Variants in CRB1 observed in about 807,000 individuals in gnomAD.
CRB1 encodes crumbs cell polarity complex component 1, also known as protein crumbs homolog 1.
A neutral mutation model predicts 120.0 loss-of-function variants in CRB1; 83 were observed. The ratio of observed to expected loss-of-function variants is 0.69; its 90% CI spans 0.58 to 0.83. The LOEUF is 0.83. Among genes scored for constraint, CRB1 ranks in the 40% least tolerant of loss-of-function variants. The pLI is 0.00. For synonymous variants in CRB1, 625 were observed against 612.5 expected (o/e 1.02, Z -0.30); for missense variants, 1,699 against 1,687.6 (o/e 1.01, Z -0.12).
chr1:197,325,902 C>G (rs1658466516), intron 1 of CRB1, among the ~76,000 whole-genome samples: 1 of 152,064 alleles, frequency 6.6e-6, no homozygotes, highest in Non-Finnish European at 1.5e-5. Context: ...TTTCCTTCTG[C>G]TGACAAAGGA....
chr1:197,378,409 A>AT (rs1661762006), intron 5 of CRB1, among the ~76,000 whole-genome samples: 1 of 151,770 alleles, frequency 6.6e-6, no homozygotes, highest in African/African-American at 2.4e-5. Flanking sequence ...ATCTTTCTCC[A>AT]TTTTTTCCTC....
the CRB1 span, among the ~76,000 whole-genome samples, chr1:197,256,880 A>G: frequency 1.3e-5 from 2 of 149,860 alleles, no homozygotes; most frequent in Non-Finnish European, 2.9e-5. Context: ...GGAAAAAGAT[A>G]TATTTAGTCC....
At chr1:197,476,770 G>T (rs1558167712) in intron 11 of CRB1, among the ~76,000 whole-genome samples, 1 of 152,018 alleles carries the variant, frequency 6.6e-6, no homozygotes, top group Non-Finnish European at 1.5e-5. Flanking sequence ...AAATAAGAAG[G>T]TAAAAGAGTT....
chr1:197,439,530 C>T (rs6685222), intron 10 of CRB1: 24,355 of 152,056 alleles, frequency 0.16, 2,345 homozygotes, highest in Non-Finnish European at 0.21. Flanking sequence ...GTTGAGCTGC[C>T]TTCAAAGCCT....
chr1:197,453,576 G>GGAGAGAGA (rs71131760), intron 11 of CRB1, among the ~76,000 whole-genome samples: 1 of 118,524 alleles, frequency 8.4e-6, no homozygotes, highest in Non-Finnish European at 1.7e-5. Context: ...AGAGGGAGAG[G>GGAGAGAGA]GAGAGAGAGA....
intron 11 of CRB1, among the ~76,000 whole-genome samples, chr1:197,458,577 G>T (rs1487826386): frequency 6.6e-6 from 1 of 152,008 alleles, no homozygotes; most frequent in African/African-American, 2.4e-5. Flanking sequence ...CCAATGTTCT[G>T]TCCTTTCATA....
At chr1:197,337,660 G>A (rs1309876406) in intron 2 of CRB1, among the ~76,000 whole-genome samples, 1 of 151,928 alleles carries the variant, frequency 6.6e-6, no homozygotes, top group Non-Finnish European at 1.5e-5. Context: ...GTTTTTTACA[G>A]GTATCATTTT....
At chr1:197,350,594 G>A (rs552233577) in intron 4 of CRB1, among the ~76,000 whole-genome samples, 5 of 152,278 alleles carry the variant, frequency 3.3e-5, no homozygotes, top group South Asian at 4.1e-4. Context: ...AAAAGGTATC[G>A]TCCCTTCCTC....
intron 5 of CRB1, among the ~76,000 whole-genome samples, chr1:197,400,209 T>A (rs1662988683): frequency 6.6e-6 from 1 of 152,126 alleles, no homozygotes; most frequent in African/African-American, 2.4e-5. Context: ...CATCAATCAA[T>A]TGTTCTGCAA....
At chr1:197,429,199 A>C in intron 7 of CRB1, 1 of 1,503,334 alleles carries the variant, frequency 6.7e-7, no homozygotes, top group East Asian at 2.5e-5. Flanking sequence ...TACTTGAAAA[A>C]CCCTCCTTGT....
intron 5 of CRB1, among the ~76,000 whole-genome samples, chr1:197,400,449 G>T (rs1458560202): frequency 6.7e-6 from 1 of 149,456 alleles, no homozygotes; most frequent in Non-Finnish European, 1.5e-5. Flanking sequence ...CTCTAGAGTA[G>T]CAGAACCAGA....
intron 11 of CRB1, among the ~76,000 whole-genome samples, chr1:197,466,850 C>T (rs914303919): frequency 1.3e-5 from 2 of 152,174 alleles, no homozygotes; most frequent in African/African-American, 4.8e-5. Context: ...AGCCAAGGTA[C>T]GGCTTATAGG....
intron 5 of CRB1, among the ~76,000 whole-genome samples, chr1:197,387,813 GA>G (rs1198723958): frequency 2.0e-5 from 3 of 151,506 alleles, no homozygotes; most frequent in African/African-American, 4.8e-5. Flanking sequence ...ATACAGAAAG[GA>G]AAAAAACACA....
At chr1:197,304,390 A>G (rs762224222) in intron 1 of CRB1, 25 of 982,904 alleles carry the variant, frequency 2.5e-5, no homozygotes, top group Non-Finnish European at 3.0e-5. Flanking sequence ...ATCTATGACT[A>G]GCAGTGGCAT....
At chr1:197,418,489 CA>C (rs1164274300) in intron 5 of CRB1, among the ~76,000 whole-genome samples, 2 of 152,288 alleles carry the variant, frequency 1.3e-5, no homozygotes, top group East Asian at 3.9e-4. Flanking sequence ...ACGGTTTTCA[CA>C]GAGCTTGAAA....
the CRB1 span, among the ~76,000 whole-genome samples, chr1:197,249,684 T>C: frequency 6.6e-6 from 1 of 151,942 alleles, no homozygotes; most frequent in South Asian, 2.1e-4. Flanking sequence ...AAACTATTGG[T>C]GTGATAGAGA....
intron 1 of CRB1, among the ~76,000 whole-genome samples, chr1:197,275,772 A>G (rs1295207652): frequency 6.6e-6 from 1 of 151,964 alleles, no homozygotes. Context: ...TTTTTCACAA[A>G]CTGCATTCAT....
At chr1:197,368,360 T>C (rs1013314843) in intron 5 of CRB1, among the ~76,000 whole-genome samples, 2 of 152,244 alleles carry the variant, frequency 1.3e-5, no homozygotes, top group Non-Finnish European at 2.9e-5. Context: ...AAGATTCATC[T>C]GATTCATTTA....
chr1:197,223,259 T>C, the CRB1 span: 1 of 953,304 alleles, frequency 1.0e-6, no homozygotes. Flanking sequence ...AGATTGAATA[T>C]TCCTTGTGCC....
Sources: allele counts gnomAD v4.1 joint callset (sites outside exome capture counted in the v4.1 genomes callset), GRCh38; gene constraint gnomAD v4.1.1; transcripts MANE v1.5; gene names NCBI Gene and HGNC (gene_info 2026-07-23, HGNC 2026-07-21).